WDR33: variants seen among roughly 807,000 people sequenced by gnomAD.
WDR33 encodes the protein pre-mRNA 3' end processing protein WDR33.
A neutral mutation model predicts 164.9 loss-of-function variants in WDR33; 47 were observed. The ratio of observed to expected loss-of-function variants is 0.29; its 90% CI spans 0.23 to 0.36. The LOEUF is 0.36. WDR33 is among the 10% of genes least tolerant of loss of function. WDR33 has a pLI of 1.00. For synonymous variants in WDR33, 505 were observed against 589.0 expected, an observed-to-expected ratio of 0.86 and a Z score of 2.06; for missense variants, 1,137 against 1,754.1, an observed-to-expected ratio of 0.65 and a Z score of 6.28.
chr2:127,800,751 G>T (rs1689209454), intron 1 of WDR33, among the ~76,000 whole-genome samples: 1 of 151,932 alleles, frequency 6.6e-6, no homozygotes, highest in South Asian at 2.1e-4. Context: ...TCTGTAAACT[G>T]TACTTGGCCC....
chr2:127,738,195 C>T lies in WDR33; in HGVS notation c.725-11418G>A. 1.6e-6 allele frequency: 1 copy of T among 644,912 alleles called. No homozygotes were observed. The highest frequency in any genetic ancestry group is 3.7e-5 in the South Asian group (1 of 27,362). 39.9% of individuals were successfully genotyped at this position (644,912 alleles called of 1,614,324 possible). A position where few individuals can be genotyped will look rare whatever the true frequency, so the allele number is the denominator to read the frequency against. ...TGAGTAATCTGAGATAACATATGCTCCAACTGGATCTTAACAAACATCTCC... is the reference window on the plus strand; with the variant it reads ...TGAGTAATCTGAGATAACATATGCTTCAACTGGATCTTAACAAACATCTCC... On this transcript the variant is annotated intron_variant, in intron 7 of 21. Coordinates refer to ENST00000322313, the MANE Select transcript of WDR33 (RefSeq NM_018383.5). The surrounding 1 kb of genome is among the most constrained non-coding windows in gnomAD (Gnocchi z 4.4).
chr2:127,763,636 C>T lies in WDR33; in HGVS notation c.627-477G>A. ...TATTAAAAGACTGATTGCTAAACATCCCTACATACAATGTTTCTCATCCAT... is the reference window on the plus strand; with the variant it reads ...TATTAAAAGACTGATTGCTAAACATTCCTACATACAATGTTTCTCATCCAT... On this transcript the variant is annotated intron_variant, in intron 6 of 21. Transcript: ENST00000322313. The surrounding 1 kb of genome is among the most constrained non-coding windows in gnomAD (Gnocchi z 4.5). 1.0e-6 allele frequency: 1 copy of T among 988,644 alleles called. No individual in the cohort carries two copies. Among genetic ancestry groups the T allele is most frequent in the Non-Finnish European group, 1.2e-6 (1 of 832,012 alleles). 61.2% of individuals were successfully genotyped at this position (988,644 alleles called of 1,614,324 possible).
intron 1 of WDR33, among the ~76,000 whole-genome samples, chr2:127,779,441 G>A (rs1416090734): frequency 6.6e-6 from 1 of 151,976 alleles, no homozygotes; most frequent in Non-Finnish European, 1.5e-5. Context: ...ACTCTAGCCT[G>A]GGCAACAGGG....
chr2:127,701,788 C>T lies in WDR33; in HGVS notation c.*4535G>A. On this transcript the variant is annotated 3_prime_UTR_variant, in exon 22 of 22. Coordinates refer to ENST00000322313, the MANE Select transcript of WDR33 (RefSeq NM_018383.5). Reference sequence around the variant, plus strand: ...GCGGGCGGCGGGTGCCTGCTGCTGGCTGCACTGTGTTTCGGCCTAGCCGCG... The same window carrying T: ...GCGGGCGGCGGGTGCCTGCTGCTGGTTGCACTGTGTTTCGGCCTAGCCGCG... 6.9e-7 allele frequency: 1 copy of T among 1,449,338 alleles called. No homozygotes were observed. Among genetic ancestry groups the T allele is most frequent in the Non-Finnish European group, 9.1e-7 (1 of 1,103,942 alleles). The allele number at this position is 1,449,338 out of a possible 1,614,324, so 89.8% of individuals were successfully genotyped here.
At position 127,709,752 on chromosome 2, in the gene WDR33, G is replaced by A; in HGVS notation, c.3413C>T (p.Ala1138Val). 1 of 1,614,206 alleles carries A rather than the reference G, an allele frequency of 6.2e-7. No homozygotes were observed. Among genetic ancestry groups the A allele is most frequent in the Non-Finnish European group, 8.5e-7 (1 of 1,180,046 alleles). The change falls in exon 19 of 22, where the codon GCT becomes GTT. Residue 1138 changes from alanine to valine, a missense_variant. This residue lies in a region of WDR33 where 867 missense variants were observed against 1,073.0 expected (regional missense o/e 0.81). Coordinates refer to ENST00000322313, the MANE Select transcript of WDR33 (RefSeq NM_018383.5). This position sits in a 1 kb window ranked among gnomAD's most constrained non-coding sequence, Gnocchi z 5.0. ...EDFGPEENFD[A>V]SEEAARGRDL... is the part of the protein sequence containing the mutation. The stretch of plus-strand genomic sequence containing the variant: ...TCGTCCTCGGGCCGCTTCCTCAGAA[G>A]CATCAAAATTCTCCTCTGGACCAAA...
intron 1 of WDR33, among the ~76,000 whole-genome samples, chr2:127,810,322 C>T (rs1281985052): frequency 6.6e-6 from 1 of 152,142 alleles, no homozygotes; most frequent in Non-Finnish European, 1.5e-5. Flanking sequence ...AATTCCCTAC[C>T]GACCTGCCGC....
chr2:127,788,368 G>T (rs534199896), intron 1 of WDR33, among the ~76,000 whole-genome samples: 1 of 107,228 alleles, frequency 9.3e-6, no homozygotes, highest in South Asian at 3.5e-4. Flanking sequence ...CAGTAGGGGC[G>T]GCCGGGCAGA....
rs745513178 is a variant in WDR33, at chr2:127,724,971, G to A, written c.1007-6C>T. ...AACAGGATGCCAGGCCACAGCTGCA[G>A]AACAAAAACATGGGAAAAGACACAA... On this transcript the variant is annotated splice_region_variant and splice_polypyrimidine_tract_variant and intron_variant, in intron 9 of 21. Coordinates refer to ENST00000322313, the MANE Select transcript of WDR33 (RefSeq NM_018383.5). This position sits in a 1 kb window ranked among gnomAD's most constrained non-coding sequence, Gnocchi z 4.8. 1 of 1,614,172 alleles carries A rather than the reference G, an allele frequency of 6.2e-7. No individual in the cohort carries two copies. Among genetic ancestry groups the A allele is most frequent in the South Asian group, 1.1e-5 (1 of 91,082 alleles).
In WDR33 at chr2:127,701,633, CG is replaced by C. The variant is rs1411536219; in HGVS notation, c.*4689del. The C allele has an allele frequency of 2.3e-6, 3 of 1,320,166 alleles. No individual in the cohort carries two copies. Among genetic ancestry groups the C allele is most frequent in the South Asian group, 2.0e-5 (1 of 49,014 alleles). 81.8% of individuals were successfully genotyped at this position (1,320,166 alleles called of 1,614,324 possible). A position where few individuals can be genotyped will look rare whatever the true frequency, so the allele number is the denominator to read the frequency against. On this transcript the variant is annotated 3_prime_UTR_variant, in exon 22 of 22. Coordinates refer to ENST00000322313, the MANE Select transcript of WDR33 (RefSeq NM_018383.5). Reference sequence around the variant, plus strand: ...TCGCCGCGGAGAAGGCGGAGGAGCCCGGGGACCGGCCGGCGGAGGAGTGGCT... The same window carrying C: ...TCGCCGCGGAGAAGGCGGAGGAGCCCGGGACCGGCCGGCGGAGGAGTGGCT...
At position 127,763,314 on chromosome 2, in the gene WDR33, A is replaced by G; in HGVS notation, c.627-155T>C. ...GCCCTTAAAGTGAATGTCGTCAGCTAACATAGGCATCTCATCAAAAGAAGA... is the reference window on the plus strand; with the variant it reads ...GCCCTTAAAGTGAATGTCGTCAGCTGACATAGGCATCTCATCAAAAGAAGA... On this transcript the variant is annotated intron_variant, in intron 6 of 21. Coordinates refer to ENST00000322313, the MANE Select transcript of WDR33 (RefSeq NM_018383.5). The surrounding 1 kb of genome is among the most constrained non-coding windows in gnomAD (Gnocchi z 4.5). 6.9e-7 allele frequency: 1 copy of G among 1,445,880 alleles called. No individual in the cohort carries two copies. The allele number at this position is 1,445,880 out of a possible 1,614,324, so 89.6% of individuals were successfully genotyped here. A position where few individuals can be genotyped will look rare whatever the true frequency, so the allele number is the denominator to read the frequency against.
At position 127,741,966 on chromosome 2, in the gene WDR33, C is replaced by T. The variant is rs1347744075; in HGVS notation, c.725-15189G>A. 6.6e-6 allele frequency among the ~76,000 whole-genome samples: 1 copy of T among 151,744 alleles called. No homozygotes were observed. The highest frequency in any genetic ancestry group is 1.9e-4 in the East Asian group (1 of 5,146). On this transcript the variant is annotated intron_variant, in intron 7 of 21. Transcript: ENST00000322313. The surrounding 1 kb of genome is among the most constrained non-coding windows in gnomAD (Gnocchi z 4.1). ...CTGTAATCCCAGCACTTTGGGAGGC[C>T]GAGGCGGGTGGATCACCTGAAGTCA...
At position 127,708,966 on chromosome 2, in the gene WDR33, G is replaced by A; in HGVS notation, c.3566-74C>T. 5.0e-6 allele frequency: 7 copies of A among 1,413,912 alleles called. No individual in the cohort carries two copies. In the East Asian group the frequency reaches 9.9e-5, roughly 20 times the overall value. The allele number at this position is 1,413,912 out of a possible 1,614,324, so 87.6% of individuals were successfully genotyped here. ...AGTAGATGGGAATGACACTGTGAGA[G>A]TAAGGAGCAACTCGAGAGCCACCGT... On this transcript the variant is annotated intron_variant, in intron 20 of 21. Coordinates refer to ENST00000322313, the MANE Select transcript of WDR33 (RefSeq NM_018383.5). This position sits in a 1 kb window ranked among gnomAD's most constrained non-coding sequence, Gnocchi z 6.7.
At position 127,702,168 on chromosome 2, in the gene WDR33, C is replaced by A; in HGVS notation, c.*4155G>T. On this transcript the variant is annotated 3_prime_UTR_variant, in exon 22 of 22. Coordinates refer to ENST00000322313, the MANE Select transcript of WDR33 (RefSeq NM_018383.5). The stretch of plus-strand genomic sequence containing the variant: ...CGGCGCCGGCCTCGCCAAGGTGCTG[C>A]CCGTGTGAGGACCTCGCGCCCTCGC... 2 of 1,214,536 alleles carry A rather than the reference C, an allele frequency of 1.6e-6. No homozygotes were observed. Among genetic ancestry groups the A allele is most frequent in the Non-Finnish European group, 2.0e-6 (2 of 976,824 alleles). 75.2% of individuals were successfully genotyped at this position (1,214,536 alleles called of 1,614,324 possible).
At position 127,719,744 on chromosome 2, in the gene WDR33, C is replaced by T. The variant is rs777428982; in HGVS notation, c.2281G>A (p.Gly761Arg). 1.5e-5 allele frequency: 25 copies of T among 1,613,700 alleles called. No individual in the cohort carries two copies. Among genetic ancestry groups the T allele is most frequent in the Admixed American group, 1.2e-4 (7 of 59,992 alleles). Residue 761 changes from glycine (G) to arginine (R), a missense_variant, in exon 16 of 22, where the codon GGA becomes AGA. Physicochemically the swap from Gly to Arg is moderately radical, Grantham distance 125. Around this residue, in one of 9 missense-constraint regions of WDR33, gnomAD observed 867 missense variants for 1,073.0 expected, o/e 0.81. Transcript: ENST00000322313. The surrounding 1 kb of genome is among the most constrained non-coding windows in gnomAD (Gnocchi z 6.5). ...CCTTGGATCCCTTGAGACCCTGGTC[C>T]GCCTTGGATCCCATGAGGATGAGGA... ...GPPHPHGIQG[G>R]PGSQGIQGPV...
At chr2:127,730,875 TTG>T (rs1558927664) in intron 7 of WDR33, among the ~76,000 whole-genome samples, 1 of 152,122 alleles carries the variant, frequency 6.6e-6, no homozygotes, top group Admixed American at 6.6e-5. Context: ...GGATTATATT[TTG>T]TGTGTGTGTG....
At chr2:127,740,266 A>C (rs1050703788) in intron 7 of WDR33, among the ~76,000 whole-genome samples, 1 of 152,184 alleles carries the variant, frequency 6.6e-6, no homozygotes, top group Non-Finnish European at 1.5e-5. Context: ...GGGGACAAAA[A>C]ATCTACAGGA....
chr2:127,764,506 T>C lies in WDR33; in HGVS notation c.626+322A>G, dbSNP rs1435522122. On this transcript the variant is annotated intron_variant, in intron 6 of 21. Transcript: ENST00000322313. The surrounding 1 kb of genome is among the most constrained non-coding windows in gnomAD (Gnocchi z 6.2). ...TGAATTCTTTATTTGGAATGAAATA[T>C]TCTTGTCTTACACAGTAGATAATAA... is the stretch of plus-strand genomic sequence containing the variant. 1.3e-6 allele frequency: 2 copies of C among 1,498,316 alleles called. No homozygotes were observed. The highest frequency in any genetic ancestry group is 3.5e-4 in the Middle Eastern group (2 of 5,718). The allele number at this position is 1,498,316 out of a possible 1,614,324, so 92.8% of individuals were successfully genotyped here.
intron 1 of WDR33, among the ~76,000 whole-genome samples, chr2:127,791,446 A>G (rs1030402501): frequency 1.3e-5 from 2 of 152,124 alleles, no homozygotes; most frequent in African/African-American, 4.8e-5. Flanking sequence ...CTGGAAGTCC[A>G]AGATCAAGGT....
In WDR33 at chr2:127,741,311, GA is replaced by G. The variant is rs746773529; in HGVS notation, c.725-14535del. Among the ~76,000 whole-genome samples, 1 of 152,192 alleles carries G rather than the reference GA, an allele frequency of 6.6e-6. No individual in the cohort carries two copies. Among genetic ancestry groups the G allele is most frequent in the Non-Finnish European group, 1.5e-5 (1 of 68,024 alleles). ...GAAGTGGAGGGCAAAGAGAGAATGG[GA>G]GAGGAGGAGAAAAAGAGAAAAGAGA... On this transcript the variant is annotated intron_variant, in intron 7 of 21. Coordinates refer to ENST00000322313, the MANE Select transcript of WDR33 (RefSeq NM_018383.5). This position sits in a 1 kb window ranked among gnomAD's most constrained non-coding sequence, Gnocchi z 4.1.
Sources: gnomAD v4.1 joint callset for allele counts (sites outside exome capture counted in the v4.1 genomes callset) on GRCh38, gnomAD v4.1.1 for gene constraint, gnomAD v4.1.1 regional missense constraint, Gnocchi (gnomAD v3.1) non-coding constraint, MANE v1.5 for transcripts, NCBI Gene and HGNC (gene_info 2026-07-23, HGNC 2026-07-21) for gene names.